Variants in NFIA observed in about 807,000 individuals in gnomAD.
The protein encoded by NFIA is nuclear factor 1 A-type.
In NFIA, 8 loss-of-function variants were observed where a neutral mutation model predicts 62.8. The ratio of observed to expected loss-of-function variants is 0.13; its 90% CI spans 0.07 to 0.23. The LOEUF (loss-of-function observed/expected upper bound fraction) is 0.23, where lower values mean the gene tolerates loss of function less well. Among genes scored for constraint, NFIA ranks in the 10% least tolerant of loss-of-function variants. The pLI is 1.00. For synonymous variants in NFIA, 235 were observed against 238.1 expected, an observed-to-expected ratio of 0.99 and a Z score of 0.12; for missense variants, 410 against 642.1, an observed-to-expected ratio of 0.64 and a Z score of 3.91.
chr1:61,225,400 G>A (rs1654268173), intron 2 of NFIA, among the ~76,000 whole-genome samples: 1 of 151,866 alleles, frequency 6.6e-6, no homozygotes, highest in Non-Finnish European at 1.5e-5. Context: ...ACAGGTGCAT[G>A]CCACCATGCC....
In NFIA at chr1:61,108,848, T is replaced by A. The variant is rs77016081; in HGVS notation, c.559+20168T>A. On this transcript the variant is annotated intron_variant, in intron 2 of 10. Coordinates refer to ENST00000403491, the MANE Select transcript of NFIA (RefSeq NM_001134673.4). ...GAAACCTCAGATTCTCCTCACAAAT[T>A]ACTTTATGCCAAGTGGTATAGTATC... Among the ~76,000 whole-genome samples the A allele has an allele frequency of 9.8e-4, 149 of 151,968 alleles. 2 individuals carry two copies. The East Asian group carries it at 0.024, about 25-fold the overall frequency.
chr1:61,254,095 G>A (rs1018615037), intron 2 of NFIA, among the ~76,000 whole-genome samples: 3 of 152,090 alleles, frequency 2.0e-5, no homozygotes, highest in African/African-American at 7.2e-5. Context: ...ACTTTGTGTG[G>A]GTTTGTTTTG....
chr1:61,180,773 T>A (rs917236428), intron 2 of NFIA, among the ~76,000 whole-genome samples: 1 of 152,234 alleles, frequency 6.6e-6, no homozygotes, highest in Non-Finnish European at 1.5e-5. Flanking sequence ...AACCGTGTTA[T>A]TGGGCCATTA....
intron 5 of NFIA, among the ~76,000 whole-genome samples, chr1:61,353,867 G>A (rs1399006364): frequency 1.3e-5 from 2 of 152,170 alleles, no homozygotes; most frequent in African/African-American, 4.8e-5. Context: ...ATTTATAATA[G>A]AAGAAAGAGA....
intron 3 of NFIA, among the ~76,000 whole-genome samples, chr1:61,329,221 T>A (rs56309410): frequency 6.7e-6 from 1 of 148,448 alleles, no homozygotes; most frequent in African/African-American, 2.5e-5. Flanking sequence ...CTAATTTTTT[T>A]TATTTTTAGT....
In NFIA at chr1:61,305,601, C is replaced by T. The variant is rs1659725766; in HGVS notation, c.626-26911C>T. The stretch of plus-strand genomic sequence containing the variant: ...GAGAGCCTAGACATTTTATAAGCCC[C>T]CATGTAAGCATTTGAGGGGTAGGAT... On this transcript the variant is annotated intron_variant, in intron 3 of 10. Coordinates refer to ENST00000403491, the MANE Select transcript of NFIA (RefSeq NM_001134673.4). 2.6e-5 allele frequency among the ~76,000 whole-genome samples: 4 copies of T among 152,264 alleles called. No homozygotes were observed. The South Asian group carries it at 6.2e-4, about 24-fold the overall frequency.
At chr1:61,138,561 GTTTGTTTA>G (rs920946659) in intron 2 of NFIA, among the ~76,000 whole-genome samples, 4 of 132,168 alleles carry the variant, frequency 3.0e-5, no homozygotes, top group Admixed American at 7.2e-5. Context: ...TTATTTGTTT[GTTTGTTTA>G]TTTATTTATT....
chr1:61,181,311 T>G (rs1650740492), intron 2 of NFIA, among the ~76,000 whole-genome samples: 1 of 152,238 alleles, frequency 6.6e-6, no homozygotes, highest in Admixed American at 6.5e-5. Context: ...AGGTCATTAA[T>G]GATGCGCCAT....
In NFIA at chr1:61,118,859, G is replaced by A. The variant is rs547396059; in HGVS notation, c.559+30179G>A. Among the ~76,000 whole-genome samples the A allele has an allele frequency of 5.5e-4, 83 of 152,210 alleles. 1 individual carries two copies. The highest frequency in any genetic ancestry group is 1.9e-3 in the African/African-American group (79 of 41,516). On this transcript the variant is annotated intron_variant, in intron 2 of 10. Coordinates refer to ENST00000403491, the MANE Select transcript of NFIA (RefSeq NM_001134673.4). ...TTTGAATCCAGGTCCATTTGGCTTT[G>A]GAATGTGCTGTTATAGCAGCAGAGG...
chr1:61,391,435 AACAC>A (rs60938787), intron 7 of NFIA, among the ~76,000 whole-genome samples: 31,357 of 124,086 alleles, frequency 0.25, 3,244 homozygotes, highest in East Asian at 0.35. Flanking sequence ...TTATGAATCA[AACAC>A]ACACACACAC....
intron 3 of NFIA, among the ~76,000 whole-genome samples, chr1:61,286,855 TGAAGTCAAA>T (rs1658533810): frequency 1.3e-5 from 2 of 152,316 alleles, no homozygotes; most frequent in African/African-American, 4.8e-5. Flanking sequence ...TAAGTCCTAA[TGAAGTCAAA>T]GAAGTGAATT....
In NFIA at chr1:61,146,249, G is replaced by T. The variant is rs533437800; in HGVS notation, c.559+57569G>T. On this transcript the variant is annotated intron_variant, in intron 2 of 10. Transcript: ENST00000403491. ...CTGCCTGAATAATCCAGGGTAATCT[G>T]TCTACCTCAAGATCTTCAACTTGAT... Among the ~76,000 whole-genome samples the T allele has an allele frequency of 2.0e-3, 303 of 152,194 alleles. 5 individuals are homozygous for T. Among genetic ancestry groups the T allele is most frequent in the Middle Eastern group, 3.4e-3 (1 of 294 alleles).
intron 3 of NFIA, among the ~76,000 whole-genome samples, chr1:61,328,150 G>T (rs1661060328): frequency 1.3e-5 from 2 of 151,160 alleles, no homozygotes; most frequent in South Asian, 4.2e-4. Context: ...GTCAATTCTG[G>T]ATACTAGTTC....
intron 2 of NFIA, among the ~76,000 whole-genome samples, chr1:61,154,718 T>C (rs982606285): frequency 3.9e-5 from 6 of 152,170 alleles, no homozygotes; most frequent in African/African-American, 7.2e-5. Flanking sequence ...TCCCCAAGCG[T>C]TGAGACTACA....
intron 10 of NFIA, among the ~76,000 whole-genome samples, chr1:61,437,108 A>G (rs1667362847): frequency 6.6e-6 from 1 of 152,166 alleles, no homozygotes; most frequent in Non-Finnish European, 1.5e-5. Context: ...TGCTGCCTTA[A>G]TAATGTGGGA....
At chr1:61,244,038 A>C (rs1655500358) in intron 2 of NFIA, among the ~76,000 whole-genome samples, 1 of 152,180 alleles carries the variant, frequency 6.6e-6, no homozygotes, top group Non-Finnish European at 1.5e-5. Context: ...CGTAGCATAC[A>C]CGTGTAATTA....
chr1:61,451,087 A>G (rs1406175709), intron 10 of NFIA, among the ~76,000 whole-genome samples: 1 of 152,154 alleles, frequency 6.6e-6, no homozygotes, highest in African/African-American at 2.4e-5. Flanking sequence ...GAGGCGTACG[A>G]AATGGAAGAG....
intron 10 of NFIA, among the ~76,000 whole-genome samples, chr1:61,451,336 C>T (rs1385490873): frequency 6.6e-6 from 1 of 152,212 alleles, no homozygotes; most frequent in African/African-American, 2.4e-5. Flanking sequence ...TTTATAAGCA[C>T]ATTCAGTGTG....
chr1:61,309,491 C>CAAA (rs35779753), intron 3 of NFIA, among the ~76,000 whole-genome samples: 3,058 of 147,126 alleles, frequency 0.021, 46 homozygotes, highest in African/African-American at 0.048. Context: ...ACAACAACAA[C>CAAA]AAAAAAAAAA....
Sources: allele counts gnomAD v4.1 joint callset (sites outside exome capture counted in the v4.1 genomes callset), GRCh38; gene constraint gnomAD v4.1.1; transcripts MANE v1.5; gene names NCBI Gene and HGNC (gene_info 2026-07-23, HGNC 2026-07-21).